Variants in LHX6 observed in about 807,000 individuals in gnomAD.
LHX6 encodes the protein LIM/homeobox protein Lhx6.
In LHX6, 15 loss-of-function variants were observed where a neutral mutation model predicts 47.1. The observed-to-expected ratio is 0.32, with a 90% CI of 0.21 to 0.49. The LOEUF (loss-of-function observed/expected upper bound fraction) is 0.49. Ranked by LOEUF, LHX6 falls within the 20% of genes least tolerant of loss-of-function variation. The pLI is 0.99. For synonymous variants in LHX6, 242 were observed against 233.5 expected (o/e 1.04, Z -0.33); for missense variants, 404 against 539.6 (o/e 0.75, Z 2.49).
chr9:122,228,577 C>T (rs1053161228), intron 1 of LHX6, 80 bp downstream of exon 1: 19 of 1,354,876 alleles, frequency 1.4e-5, no homozygotes, highest in African/African-American at 3.1e-5. Context: ...CAACCGCCCG[C>T]CACCCTGCTC....
intron 1 of LHX6, chr9:122,228,224 G>A (rs1182004123): frequency 6.6e-7 from 1 of 1,519,398 alleles, no homozygotes; most frequent in Admixed American, 2.0e-5. Flanking sequence ...AGCGAGATCG[G>A]GGCGAAACGG....
At chr9:122,207,451 C>G (rs1830226530) in intron 9 of LHX6, among the ~76,000 whole-genome samples, 1 of 152,168 alleles carries the variant, frequency 6.6e-6, no homozygotes, top group East Asian at 1.9e-4. Flanking sequence ...ATGAGAAGGC[C>G]ATCTCTATGT....
rs540317064 is a variant in LHX6, at chr9:122,214,187, C to G, written c.783+96G>C. 4.9e-5 allele frequency: 66 copies of G among 1,353,552 alleles called. No homozygotes were observed. In the African/African-American group the frequency reaches 7.0e-4, roughly 14 times the overall value. The allele number at this position is 1,353,552 out of a possible 1,614,324, so 83.8% of individuals were successfully genotyped here. ...GCAGCTGCGGCCCCGCCCCGCCACC[C>G]GGGTCCGGCCCGAGGGGCGGAGCCA... On this transcript the variant is annotated intron_variant, in intron 6 of 9. Transcript: ENST00000394319. The surrounding 1 kb of genome is among the most constrained non-coding windows in gnomAD (Gnocchi z 4.6).
intron 9 of LHX6, 62 bp downstream of exon 9, chr9:122,209,552 G>T (rs1554808049): frequency 4.4e-6 from 7 of 1,607,910 alleles, no homozygotes; most frequent in Admixed American, 1.7e-5. Flanking sequence ...AGAGGATGCT[G>T]CCAGAAACCC....
chr9:122,219,592 A>G (rs1830747292), intron 4 of LHX6, among the ~76,000 whole-genome samples: 1 of 152,178 alleles, frequency 6.6e-6, no homozygotes, highest in Admixed American at 6.5e-5. Context: ...GGGGGAGCCC[A>G]GCCGCGCGTA....
chr9:122,227,942 T>C (rs1831178883), intron 1 of LHX6: 1 of 258,844 alleles, frequency 3.9e-6, no homozygotes, highest in Admixed American at 5.2e-5. Context: ...ATCGAATTTT[T>C]TCTCTCTCCA....
In LHX6 at chr9:122,217,311, C is replaced by T. The variant is rs571292148; in HGVS notation, c.462-23G>A. The T allele has an allele frequency of 3.1e-6, 5 of 1,589,348 alleles. No homozygotes were observed. Among genetic ancestry groups the T allele is most frequent in the Admixed American group, 3.4e-5 (2 of 59,020 alleles). ...CGGCTGCAGGTCGAGAGGACAGGCA[C>T]GGGGTGTCGAGACTCAGACAGGCCA... On this transcript the variant is annotated intron_variant, in intron 4 of 9. Transcript: ENST00000394319. This position sits in a 1 kb window ranked among gnomAD's most constrained non-coding sequence, Gnocchi z 4.9.
At chr9:122,207,408 TG>T (rs1398378996) in intron 9 of LHX6, among the ~76,000 whole-genome samples, 1 of 152,192 alleles carries the variant, frequency 6.6e-6, no homozygotes, top group Non-Finnish European at 1.5e-5. Flanking sequence ...GGACAAGTCA[TG>T]TCACCTCTCG....
rs760201349 is a variant in LHX6 at position 122,227,401 on chromosome 9, G to A, written c.156+8C>T. On this transcript the variant is annotated splice_region_variant and intron_variant, in intron 2 of 9. Coordinates refer to ENST00000394319, the MANE Select transcript of LHX6 (RefSeq NM_014368.5). ...CTGGGCACCGCAGGCAGGGCCAAAC[G>A]GACTCACCATGGCGGGCGGCGCGGT... is the stretch of plus-strand genomic sequence containing the variant. 6.6e-7 allele frequency: 1 copy of A among 1,515,868 alleles called. No homozygotes were observed. The highest frequency in any genetic ancestry group is 8.8e-7 in the Non-Finnish European group (1 of 1,132,448). 93.9% of individuals were successfully genotyped at this position (1,515,868 alleles called of 1,614,324 possible).
rs1830470354 is a variant in LHX6 at position 122,213,574 on chromosome 9, G to A, written c.1054+32C>T. On this transcript the variant is annotated intron_variant, in intron 8 of 9. Transcript: ENST00000394319. This position sits in a 1 kb window ranked among gnomAD's most constrained non-coding sequence, Gnocchi z 5.5. ...GCTCCTCCGCGCCCCCTCCCCGCAG[G>A]CCCAGCGGCTCCCGGCGCTGCGGTT... 6.6e-7 allele frequency: 1 copy of A among 1,525,636 alleles called. No homozygotes were observed. The highest frequency in any genetic ancestry group is 8.8e-7 in the Non-Finnish European group (1 of 1,140,358). The allele number at this position is 1,525,636 out of a possible 1,614,324, so 94.5% of individuals were successfully genotyped here.
rs574885512 is a variant in LHX6 at position 122,225,688 on chromosome 9, A to G, written c.461+688T>C. The stretch of plus-strand genomic sequence containing the variant: ...AAAACAACAGCGAAGCTGGGACTGG[A>G]ACAGGCGCTGGGGGCCTGCGCATGA... On this transcript the variant is annotated intron_variant, in intron 4 of 9. Coordinates refer to ENST00000394319, the MANE Select transcript of LHX6 (RefSeq NM_014368.5). 3.9e-5 allele frequency among the ~76,000 whole-genome samples: 6 copies of G among 152,380 alleles called. No homozygotes were observed. The South Asian group carries it at 1.2e-3, about 32-fold the overall frequency.
chr9:122,228,494 C>CCG (rs1554811482), intron 1 of LHX6, 163 bp downstream of exon 1: 20,833 of 1,397,222 alleles, frequency 0.015, 200 homozygotes, highest in Non-Finnish European at 0.016. Context: ...CGACCCCCCC[C>CCG]CCCCGCTCGC....
At position 122,224,394 on chromosome 9, in the gene LHX6, C is replaced by T. The variant is rs537111830; in HGVS notation, c.461+1982G>A. Among the ~76,000 whole-genome samples, 22 of 152,286 alleles carry T rather than the reference C, an allele frequency of 1.4e-4. No homozygotes were observed. The South Asian group carries it at 4.4e-3, about 30-fold the overall frequency. ...GAGGTGGCTAGACAGTGACTGTAAC[C>T]TCCATTTCCTGTCCTGGCCAAACCA... is the stretch of plus-strand genomic sequence containing the variant. On this transcript the variant is annotated intron_variant, in intron 4 of 9. Coordinates refer to ENST00000394319, the MANE Select transcript of LHX6 (RefSeq NM_014368.5).
chr9:122,206,537 G>A (rs1830187719), intron 9 of LHX6, among the ~76,000 whole-genome samples: 1 of 152,230 alleles, frequency 6.6e-6, no homozygotes, highest in South Asian at 2.1e-4. Context: ...TGGGTGCAAA[G>A]TTGGGGACAC....
chr9:122,214,237 T>C lies in LHX6; in HGVS notation c.783+46A>G, dbSNP rs1588344434. ...AGGAGACATTGTCGGCCCCGCCCAC[T>C]TTCGGCCCGGCCCCCGCCCCCGCCG... is the stretch of plus-strand genomic sequence containing the variant. On this transcript the variant is annotated intron_variant, in intron 6 of 9. Transcript: ENST00000394319. This position sits in a 1 kb window ranked among gnomAD's most constrained non-coding sequence, Gnocchi z 4.6. 1.6e-6 allele frequency: 2 copies of C among 1,263,436 alleles called. No homozygotes were observed. Among genetic ancestry groups the C allele is most frequent in the Non-Finnish European group, 1.1e-6 (1 of 950,560 alleles). 78.3% of individuals were successfully genotyped at this position (1,263,436 alleles called of 1,614,324 possible).
chr9:122,204,728 G>A lies in LHX6; in HGVS notation c.*32C>T, dbSNP rs754465240. The A allele has an allele frequency of 1.0e-5, 16 of 1,593,852 alleles. No homozygotes were observed. The East Asian group carries it at 1.4e-4, about 14-fold the overall frequency. On this transcript the variant is annotated 3_prime_UTR_variant, in exon 10 of 10. Transcript: ENST00000394319. Reference sequence around the variant, plus strand: ...AGCGGCTGAGGGGCAGCTGTGGGGCGCCCACGGGCAGATGCGGAAGTGCCG... The same window carrying A: ...AGCGGCTGAGGGGCAGCTGTGGGGCACCCACGGGCAGATGCGGAAGTGCCG...
intron 4 of LHX6, among the ~76,000 whole-genome samples, chr9:122,225,307 A>G (rs1243829866): frequency 6.6e-6 from 1 of 152,246 alleles, no homozygotes; most frequent in African/African-American, 2.4e-5. Context: ...CATCCCTCTC[A>G]GGAAGTGATT....
At chr9:122,225,822 T>C (rs1831071071) in intron 4 of LHX6, among the ~76,000 whole-genome samples, 4 of 152,172 alleles carry the variant, frequency 2.6e-5, no homozygotes. Context: ...GGATCGGATC[T>C]GAGACGGTTG....
rs1292174061 is a variant in LHX6, at chr9:122,227,006, C to T, written c.181G>A (p.Ala61Thr). 2.0e-6 allele frequency: 3 copies of T among 1,518,468 alleles called. No homozygotes were observed. Among genetic ancestry groups the T allele is most frequent in the African/African-American group, 1.4e-5 (1 of 72,446 alleles). The allele number at this position is 1,518,468 out of a possible 1,614,324, so 94.1% of individuals were successfully genotyped here. The change falls in exon 3 of 10, where the codon GCA (alanine) becomes ACA (threonine). Residue 61 changes from alanine to threonine, a missense_variant. Transcript: ENST00000394319. ...AMAQSDAEAL[A>T]GALDKDEGQA... is the part of the protein sequence containing the mutation. ...CCCTCGTCCTTGTCCAGAGCTCCTG[C>T]CAGGGCCTCGGCGTCAGACTGAGCC... is the stretch of plus-strand genomic sequence containing the variant.
Sources: gnomAD v4.1 joint callset for allele counts (sites outside exome capture counted in the v4.1 genomes callset) on GRCh38, gnomAD v4.1.1 for gene constraint, Gnocchi (gnomAD v3.1) non-coding constraint, MANE v1.5 for transcripts, NCBI Gene and HGNC (gene_info 2026-07-23, HGNC 2026-07-21) for gene names.